The following ACSBG2 variants were observed in gnomAD, a reference collection of about 807,000 sequenced individuals.
ACSBG2 encodes acyl-CoA synthetase bubblegum family member 2.
A neutral mutation model predicts 74.7 loss-of-function variants in ACSBG2; 62 were observed. The observed-to-expected ratio is 0.83, with a 90% CI of 0.68 to 1.03. The LOEUF (loss-of-function observed/expected upper bound fraction) is 1.03. Among genes scored for constraint, ACSBG2 ranks in the 50% least tolerant of loss-of-function variants. ACSBG2 has a pLI of 0.00. For synonymous variants in ACSBG2, 309 were observed against 294.1 expected (o/e 1.05, Z -0.52); for missense variants, 730 against 817.6 (o/e 0.89, Z 1.31).
chr19:6,187,431 G>A lies in ACSBG2; in HGVS notation c.1680+9G>A. ...TGTTGCTGACGCTGAAGGTAACATG[G>A]GTTTGCTGTCATTGGGGGAAGTCTC... On this transcript the variant is annotated intron_variant, in intron 12 of 14. Coordinates refer to ENST00000588485, the MANE Select transcript of ACSBG2 (RefSeq NM_030924.5). 1 of 1,613,958 alleles carries A rather than the reference G, an allele frequency of 6.2e-7. No individual in the cohort carries two copies. Among genetic ancestry groups the A allele is most frequent in the Middle Eastern group, 1.6e-4 (1 of 6,062 alleles).
Position 6,154,801 on chromosome 19 carries a change from T to C in ACSBG2, c.387-1630T>C, listed in dbSNP as rs200395975. 3.9e-5 allele frequency among the ~76,000 whole-genome samples: 6 copies of C among 152,226 alleles called. No homozygotes were observed. The East Asian group carries it at 1.2e-3, about 29-fold the overall frequency. ...TGCTGGGATTACAGGTGTGAGCCAC[T>C]GTGCCCAGCCCAGAATAAATTTTAA... On this transcript the variant is annotated intron_variant, in intron 4 of 14. Coordinates refer to ENST00000588485, the MANE Select transcript of ACSBG2 (RefSeq NM_030924.5).
intron 3 of ACSBG2, chr19:6,148,428 T>C (rs111934751): frequency 0.036 from 5,462 of 152,546 alleles, 205 homozygotes; most frequent in African/African-American, 0.099. Context: ...GGAGGATCAC[T>C]GAGCCCAGGA....
In ACSBG2 at chr19:6,177,294, T is replaced by G; in HGVS notation, c.804T>G (p.Val268=). The G allele has an allele frequency of 3.1e-6, 5 of 1,613,918 alleles. No individual in the cohort carries two copies. The highest frequency in any genetic ancestry group is 4.2e-6 in the Non-Finnish European group (5 of 1,179,950). The stretch of plus-strand genomic sequence containing the variant: ...TGACAGACAAGCATGAGACGGTGGT[T>G]AGCTACCTCCCACTCAGCCATATTG... ...FKLTDKHETV[V]SYLPLSHIAA... is the part of the protein sequence containing the mutation. Residue 268 remains valine, a synonymous_variant, in exon 8 of 15, where the codon GTT becomes GTG. Transcript: ENST00000588485.
At chr19:6,157,251 G>C (rs1010209157) in intron 5 of ACSBG2, among the ~76,000 whole-genome samples, 1 of 151,890 alleles carries the variant, frequency 6.6e-6, no homozygotes, top group Non-Finnish European at 1.5e-5. Flanking sequence ...CCGAGCCCGG[G>C]CTAACTTTTA....
chr19:6,157,903 A>G (rs1242739809), intron 5 of ACSBG2, among the ~76,000 whole-genome samples: 1 of 151,664 alleles, frequency 6.6e-6, no homozygotes, highest in African/African-American at 2.4e-5. Flanking sequence ...TTCTTGCCTA[A>G]GTTCTATCCC....
chr19:6,187,492 G>A, intron 12 of ACSBG2, 70 bp downstream of exon 12: 1 of 1,603,564 alleles, frequency 6.2e-7, no homozygotes, highest in Non-Finnish European at 8.5e-7. Flanking sequence ...CCCACCCCAG[G>A]GTCAAGAGGA....
At chr19:6,141,428 A>G in intron 1 of ACSBG2, 85 bp from the exon 2 acceptor site, 1 of 718,238 alleles carries the variant, frequency 1.4e-6, no homozygotes, top group Non-Finnish European at 2.5e-6. Context: ...TTCTAGGCAG[A>G]CATGACCAGT....
intron 14 of ACSBG2, chr19:6,191,620 G>A (rs1229928395): frequency 1.3e-5 from 2 of 151,870 alleles, no homozygotes; most frequent in Non-Finnish European, 2.9e-5. Context: ...CCTTTTATAG[G>A]GACAGGTTAG....
intron 8 of ACSBG2, among the ~76,000 whole-genome samples, chr19:6,177,972 C>G (rs553282469): frequency 7.9e-5 from 12 of 151,856 alleles, no homozygotes; most frequent in African/African-American, 2.4e-4. Context: ...TTTTTGGCAG[C>G]AAAGTCTGAT....
intron 7 of ACSBG2, among the ~76,000 whole-genome samples, chr19:6,170,796 T>C (rs2089944468): frequency 6.6e-6 from 1 of 152,090 alleles, no homozygotes; most frequent in Non-Finnish European, 1.5e-5. Flanking sequence ...TATTTCTTTA[T>C]TTTCTGCCTC....
At chr19:6,145,322 G>A (rs956814941) in intron 2 of ACSBG2, among the ~76,000 whole-genome samples, 1 of 151,864 alleles carries the variant, frequency 6.6e-6, no homozygotes, top group Non-Finnish European at 1.5e-5. Flanking sequence ...CATGATCCCA[G>A]GAGGTGGAGG....
rs141404285 is a variant in ACSBG2, at chr19:6,174,551, G to A, written c.739-2678G>A. 1.3e-3 allele frequency among the ~76,000 whole-genome samples: 202 copies of A among 152,218 alleles called. 1 individual carries two copies. The highest frequency in any genetic ancestry group is 4.7e-3 in the African/African-American group (196 of 41,522). On this transcript the variant is annotated intron_variant, in intron 7 of 14. Transcript: ENST00000588485. This position sits in a 1 kb window ranked among gnomAD's most constrained non-coding sequence, Gnocchi z 4.2. ...TGGCTGGGTGCAGTGGCTTATGTAT[G>A]TAATCCCAGCACTTTGGGAGGCCGA... is the stretch of plus-strand genomic sequence containing the variant.
intron 10 of ACSBG2, among the ~76,000 whole-genome samples, chr19:6,184,183 G>C (rs947178937): frequency 6.6e-6 from 1 of 152,000 alleles, no homozygotes; most frequent in Non-Finnish European, 1.5e-5. Context: ...TAGATTATTG[G>C]TCCCTTTATT....
At chr19:6,163,134 A>AATAATAATT (rs2089681095) in intron 6 of ACSBG2, among the ~76,000 whole-genome samples, 1 of 141,558 alleles carries the variant, frequency 7.1e-6, no homozygotes, top group Non-Finnish European at 1.5e-5. Flanking sequence ...TAATAATAAT[A>AATAATAATT]ATAATAATAA....
At chr19:6,139,600 T>C (rs2088738580) in intron 1 of ACSBG2, among the ~76,000 whole-genome samples, 1 of 152,202 alleles carries the variant, frequency 6.6e-6, no homozygotes, top group South Asian at 2.1e-4. Context: ...CCAGAACAAC[T>C]GCTTGATTCT....
intron 5 of ACSBG2, among the ~76,000 whole-genome samples, chr19:6,157,325 G>C (rs960229991): frequency 1.3e-5 from 2 of 152,196 alleles, no homozygotes; most frequent in African/African-American, 4.8e-5. Flanking sequence ...GGAGGCCAAG[G>C]CAGGCAGAAC....
intron 6 of ACSBG2, chr19:6,161,726 G>A (rs1341331962): frequency 1.2e-5 from 2 of 162,874 alleles, no homozygotes; most frequent in Non-Finnish European, 1.3e-5. Context: ...AATGGGAGGT[G>A]AGCAATGCGT....
intron 5 of ACSBG2, among the ~76,000 whole-genome samples, chr19:6,160,255 T>G (rs2089560586): frequency 6.6e-6 from 1 of 151,782 alleles, no homozygotes; most frequent in Non-Finnish European, 1.5e-5. Context: ...CCAAGCATGG[T>G]GGCGGGCGCC....
chr19:6,190,445 G>C (rs148924209), intron 13 of ACSBG2, 139 bp from the exon 14 acceptor site: 2 of 671,840 alleles, frequency 3.0e-6, no homozygotes, highest in Non-Finnish European at 5.3e-6. Context: ...GATGGCAAAA[G>C]TTACACACCC....
Sources: gnomAD v4.1 joint callset for allele counts (sites outside exome capture counted in the v4.1 genomes callset) on GRCh38, gnomAD v4.1.1 for gene constraint, Gnocchi (gnomAD v3.1) non-coding constraint, MANE v1.5 for transcripts, NCBI Gene and HGNC (gene_info 2026-07-23, HGNC 2026-07-21) for gene names.